Variants in POT1 observed in about 807,000 individuals in gnomAD.
The protein encoded by POT1 is protection of telomeres protein 1.
In POT1, 47 loss-of-function variants were observed where a neutral mutation model predicts 78.5. The ratio of observed to expected loss-of-function variants is 0.60; its 90% CI spans 0.47 to 0.76. The LOEUF (loss-of-function observed/expected upper bound fraction) is 0.76. Ranked by LOEUF, POT1 falls within the 30% of genes least tolerant of loss-of-function variation. The pLI is 0.00. For synonymous variants in POT1, 259 were observed against 260.7 expected (o/e 0.99, Z 0.06); for missense variants, 646 against 749.9 (o/e 0.86, Z 1.62).
chr7:124,858,841 T>TA (rs2116524308), intron 9 of POT1, 116 bp downstream of exon 9: 2 of 563,032 alleles, frequency 3.6e-6, no homozygotes, highest in Non-Finnish European at 5.5e-6. Context: ...AAGAAATAAA[T>TA]ATAATTTCTA....
In POT1 at chr7:124,921,508, T is replaced by C. The variant is rs1323724326; in HGVS notation, c.-226-5862A>G. Among the ~76,000 whole-genome samples the C allele has an allele frequency of 2.5e-5, 3 of 118,270 alleles. No homozygotes were observed. The East Asian group carries it at 7.0e-4, about 27-fold the overall frequency. The allele number at this position is 118,270 out of a possible 152,430, so 77.6% of individuals were successfully genotyped here. On this transcript the variant is annotated intron_variant, in intron 2 of 18. Transcript: ENST00000357628. ...TAAAACTTAAAAAGAAATAAATAGG[T>C]GAGTAAAATGTGTAACAAACGTCTA...
intron 12 of POT1, among the ~76,000 whole-genome samples, chr7:124,845,038 T>G (rs980818785): frequency 7.9e-5 from 12 of 152,182 alleles, no homozygotes; most frequent in Non-Finnish European, 1.2e-4. Context: ...TACCAGACAT[T>G]ATGCCTCCTT....
intron 8 of POT1, among the ~76,000 whole-genome samples, chr7:124,860,714 C>T (rs868540491): frequency 6.6e-6 from 1 of 152,040 alleles, no homozygotes; most frequent in African/African-American, 2.4e-5. Context: ...CCCATCAACC[C>T]GTCATCTACG....
At chr7:124,875,802 CA>C (rs554299752) in intron 6 of POT1, among the ~76,000 whole-genome samples, 34 of 152,152 alleles carry the variant, frequency 2.2e-4, no homozygotes, top group Non-Finnish European at 2.5e-4. Context: ...AGTCATTCAA[CA>C]AAAATGATTT....
chr7:124,842,333 G>C (rs1361887292), intron 13 of POT1, among the ~76,000 whole-genome samples: 1 of 151,900 alleles, frequency 6.6e-6, no homozygotes, highest in African/African-American at 2.4e-5. Context: ...GATGTTCAGA[G>C]TAAAGGCACT....
intron 6 of POT1, among the ~76,000 whole-genome samples, chr7:124,875,822 G>A (rs1487640703): frequency 1.3e-5 from 2 of 152,120 alleles, no homozygotes; most frequent in Non-Finnish European, 1.5e-5. Context: ...TTCACCATAC[G>A]TTATTCTGGG....
intron 11 of POT1, 148 bp downstream of exon 11, chr7:124,851,724 T>C (rs1455173115): frequency 1.5e-6 from 1 of 648,884 alleles, no homozygotes; most frequent in South Asian, 2.0e-5. Flanking sequence ...CTTTTTGGCA[T>C]AGGCCACAGA....
intron 3 of POT1, among the ~76,000 whole-genome samples, chr7:124,903,267 T>C (rs183872948): frequency 1.4e-4 from 21 of 152,202 alleles, no homozygotes; most frequent in African/African-American, 3.6e-4. Context: ...CTGACCATAG[T>C]TGGAAGTAAA....
At chr7:124,834,145 A>ATGGC (rs1794835855) in intron 15 of POT1, among the ~76,000 whole-genome samples, 2 of 151,738 alleles carry the variant, frequency 1.3e-5, no homozygotes, top group African/African-American at 4.9e-5. Flanking sequence ...CTAAAACCAT[A>ATGGC]AAAATCCTAG....
intron 5 of POT1, among the ~76,000 whole-genome samples, chr7:124,893,551 C>T (rs1313571103): frequency 1.3e-5 from 2 of 151,440 alleles, no homozygotes; most frequent in African/African-American, 4.8e-5. Flanking sequence ...GAAACTCCTA[C>T]TGATTTTGAG....
At position 124,928,837 on chromosome 7, in the gene POT1, T is replaced by G. The variant is rs1032818050; in HGVS notation, c.-249A>C. 6 of 152,626 alleles carry G rather than the reference T, an allele frequency of 3.9e-5. No homozygotes were observed. Among genetic ancestry groups the G allele is most frequent in the Non-Finnish European group, 7.4e-5 (5 of 68,022 alleles). 9.5% of individuals were successfully genotyped at this position (152,626 alleles called of 1,614,324 possible). A position where few individuals can be genotyped will look rare whatever the true frequency, so the allele number is the denominator to read the frequency against. On this transcript the variant is annotated 5_prime_UTR_variant, in exon 2 of 19. Coordinates refer to ENST00000357628, the MANE Select transcript of POT1 (RefSeq NM_015450.3). ...TACCTGAATATATTTCTTGCTATAA[T>G]TGTAACCTGGCTGTAGGGATCCGAA...
rs587777478 is a variant in POT1, at chr7:124,823,998, C to T, written c.1869G>A (p.Gln623=). The T allele has an allele frequency of 2.5e-6, 4 of 1,604,878 alleles. No individual in the cohort carries two copies. Among genetic ancestry groups the T allele is most frequent in the Non-Finnish European group, 3.4e-6 (4 of 1,172,928 alleles). Residue 623 remains glutamine (Q), a synonymous_variant, in exon 19 of 19, where the codon CAG becomes CAA. Transcript: ENST00000357628. Reference sequence around the variant, plus strand: ...CTTCTGCAACTGTGGTGTCAAAAATCTGATAGCAAATTTGATTATCTGTTC... The same window carrying T: ...CTTCTGCAACTGTGGTGTCAAAAATTTGATAGCAAATTTGATTATCTGTTC... ...TNGTDNQICY[Q]IFDTTVAEDV...
chr7:124,914,669 C>T (rs1796975114), intron 3 of POT1, among the ~76,000 whole-genome samples: 2 of 152,022 alleles, frequency 1.3e-5, no homozygotes, highest in African/African-American at 4.8e-5. Flanking sequence ...TTTAAAAATA[C>T]ATAGTCTAGC....
intron 3 of POT1, among the ~76,000 whole-genome samples, chr7:124,914,060 A>G (rs1235894985): frequency 6.7e-6 from 1 of 149,064 alleles, no homozygotes; most frequent in Non-Finnish European, 1.5e-5. Flanking sequence ...GCTTGAACCC[A>G]GGAGGCAGAG....
At chr7:124,825,763 T>C (rs1436821717) in intron 17 of POT1, among the ~76,000 whole-genome samples, 2 of 152,204 alleles carry the variant, frequency 1.3e-5, no homozygotes, top group Non-Finnish European at 2.9e-5. Flanking sequence ...AAGGAAGGAA[T>C]TTTGTTTACT....
chr7:124,856,534 T>C (rs1317381318), intron 9 of POT1, among the ~76,000 whole-genome samples: 1 of 152,018 alleles, frequency 6.6e-6, no homozygotes, highest in African/African-American at 2.4e-5. Flanking sequence ...GGAAAAAAAA[T>C]CCACAGCATT....
At chr7:124,923,506 C>A (rs1797200836) in intron 2 of POT1, among the ~76,000 whole-genome samples, 1 of 151,600 alleles carries the variant, frequency 6.6e-6, no homozygotes, top group Non-Finnish European at 1.5e-5. Flanking sequence ...AAGGAATGAG[C>A]AAAGCCATTT....
intron 7 of POT1, among the ~76,000 whole-genome samples, chr7:124,868,485 G>C (rs1057187786): frequency 2.6e-5 from 4 of 151,912 alleles, no homozygotes; most frequent in Non-Finnish European, 4.4e-5. Flanking sequence ...CTTTAAAACA[G>C]TTTTCAATAG....
intron 3 of POT1, among the ~76,000 whole-genome samples, chr7:124,910,657 T>C (rs925227253): frequency 1.3e-5 from 2 of 151,882 alleles, no homozygotes; most frequent in African/African-American, 4.8e-5. Context: ...CTATGTAAAA[T>C]AAACAAAGGA....
Sources: gnomAD v4.1 joint callset for allele counts (sites outside exome capture counted in the v4.1 genomes callset) on GRCh38, gnomAD v4.1.1 for gene constraint, MANE v1.5 for transcripts, NCBI Gene and HGNC (gene_info 2026-07-23, HGNC 2026-07-21) for gene names.